BPIFB3: variants seen among roughly 807,000 people sequenced by gnomAD.
BPIFB3 encodes the protein BPI fold containing family B member 3, also known as BPI fold-containing family B member 3.
A neutral mutation model predicts 53.1 loss-of-function variants in BPIFB3; 49 were observed. That is an observed-to-expected ratio of 0.92 (90% confidence interval 0.73 to 1.17). The LOEUF (loss-of-function observed/expected upper bound fraction) is 1.17. Among genes scored for constraint, BPIFB3 ranks in the 50% most tolerant of loss-of-function variants. BPIFB3 has a pLI of 0.00. For synonymous variants in BPIFB3, 271 were observed against 269.6 expected (o/e 1.01, Z -0.05); for missense variants, 628 against 592.5 (o/e 1.06, Z -0.62).
Position 33,071,295 on chromosome 20 carries a change from C to T in BPIFB3, c.1260C>T (p.Asp420=), listed in dbSNP as rs141344367. The T allele has an allele frequency of 6.4e-6, 10 of 1,562,068 alleles. No homozygotes were observed. In the African/African-American group the frequency reaches 8.1e-5, roughly 13 times the overall value. ...CCTCCTCCTTTACCCATGCCTTTGA[C>T]GTAAGTTCCTGGGAGGGTGAGGGGC... The change falls in exon 12 of 15, where the codon GAC becomes GAT. Residue 420 remains aspartate (D), a splice_region_variant and synonymous_variant. Coordinates refer to ENST00000375494, the Ensembl canonical transcript of BPIFB3.
intron 4 of BPIFB3, among the ~76,000 whole-genome samples, chr20:33,061,533 G>A (rs192031497): frequency 3.9e-5 from 6 of 152,122 alleles, no homozygotes; most frequent in Non-Finnish European, 8.8e-5. Context: ...ATGTAACCCG[G>A]GCAGCAGCAG....
exon 4 of BPIFB3, chr20:33,059,977 T>A: frequency 6.2e-7 from 1 of 1,614,134 alleles, no homozygotes; most frequent in Non-Finnish European, 8.5e-7. Context: ...GGCACACCCA[T>A]CCTTATCCTC....
chr20:33,059,362 C>T lies in BPIFB3; in HGVS notation c.282-16C>T. The T allele has an allele frequency of 6.3e-7, 1 of 1,596,832 alleles. No individual in the cohort carries two copies. The highest frequency in any genetic ancestry group is 8.5e-7 in the Non-Finnish European group (1 of 1,169,954). On this transcript the variant is annotated splice_polypyrimidine_tract_variant and intron_variant, in intron 2 of 14. Transcript: ENST00000375494. Reference sequence around the variant, plus strand: ...TGTCTGGGAGTGAGCAACCCTCTCCCTGACTCCCATCCTAGTCTGAAGATT... The same window carrying T: ...TGTCTGGGAGTGAGCAACCCTCTCCTTGACTCCCATCCTAGTCTGAAGATT...
intron 14 of BPIFB3, 134 bp from the exon 16 acceptor site, chr20:33,073,442 C>A: frequency 1.2e-6 from 1 of 830,286 alleles, no homozygotes; most frequent in Non-Finnish European, 1.9e-6. Flanking sequence ...TTTCATCATT[C>A]ATTTATTCAT....
chr20:33,065,613 G>A (rs984114643), intron 8 of BPIFB3, among the ~76,000 whole-genome samples: 1 of 151,394 alleles, frequency 6.6e-6, no homozygotes, highest in South Asian at 2.1e-4. Context: ...AAGGAAGGAA[G>A]GAAGGAAGGA....
intron 2 of BPIFB3, among the ~76,000 whole-genome samples, chr20:33,057,028 C>T (rs1279807316): frequency 6.6e-6 from 1 of 152,142 alleles, no homozygotes; most frequent in Non-Finnish European, 1.5e-5. Context: ...GAGGTGTGGG[C>T]TGATTAGCCC....
chr20:33,073,194 G>A (rs6059068), intron 14 of BPIFB3, among the ~76,000 whole-genome samples: 7,952 of 152,126 alleles, frequency 0.052, 645 homozygotes, highest in African/African-American at 0.18. Context: ...CCTTTTTCTT[G>A]TGGAATATTG....
At chr20:33,071,219 G>A in intron 11 of BPIFB3, 34 bp from the exon 13 acceptor site, 1 of 1,545,130 alleles carries the variant, frequency 6.5e-7, no homozygotes, top group Non-Finnish European at 8.7e-7. Flanking sequence ...GTTGGGGGTA[G>A]CGGGGGCCCC....
At chr20:33,067,537 T>A (rs958893563) in intron 9 of BPIFB3, among the ~76,000 whole-genome samples, 1 of 152,152 alleles carries the variant, frequency 6.6e-6, no homozygotes. Flanking sequence ...GTTCTTGAAG[T>A]TGGTGATTCA....
chr20:33,069,908 G>T, exon 11 of BPIFB3: 1 of 1,614,214 alleles, frequency 6.2e-7, no homozygotes, highest in Non-Finnish European at 8.5e-7. Context: ...TGCGTGCCCA[G>T]CTGGCTCCCT....
At chr20:33,069,688 C>G (rs1354184579) in intron 10 of BPIFB3, among the ~76,000 whole-genome samples, 200 bp from the exon 12 acceptor site, 1 of 152,180 alleles carries the variant, frequency 6.6e-6, no homozygotes, top group African/African-American at 2.4e-5. Context: ...ACCAATTGCC[C>G]TCAATTTTAA....
intron 4 of BPIFB3, among the ~76,000 whole-genome samples, chr20:33,060,725 A>G (rs1980419740): frequency 6.6e-6 from 1 of 151,778 alleles, no homozygotes; most frequent in African/African-American, 2.4e-5. Flanking sequence ...GCCCACCACC[A>G]TGCTAATTTT....
chr20:33,063,246 G>A (rs528493176), intron 5 of BPIFB3, among the ~76,000 whole-genome samples: 1 of 152,324 alleles, frequency 6.6e-6, no homozygotes, highest in South Asian at 2.1e-4. Context: ...ACGTAGAATG[G>A]CAGGGGATGG....
intron 6 of BPIFB3, among the ~76,000 whole-genome samples, chr20:33,063,915 C>T (rs772383092): frequency 1.3e-5 from 2 of 152,194 alleles, no homozygotes; most frequent in Non-Finnish European, 2.9e-5. Flanking sequence ...TGCAGACCAA[C>T]ACTTACTGAG....
At chr20:33,055,510 C>A in exon 1 of BPIFB3, 2 of 1,613,732 alleles carry the variant, frequency 1.2e-6, no homozygotes, top group Non-Finnish European at 1.7e-6. Flanking sequence ...AGACGGTGGG[C>A]ACGCTCGCTC....
chr20:33,054,498 A>G (rs1439974721), upstream of BPIFB3, among the ~76,000 whole-genome samples: 2 of 152,176 alleles, frequency 1.3e-5, no homozygotes, highest in Admixed American at 6.5e-5. Context: ...CAGGGAGGCA[A>G]TGTTTATCCG....
At chr20:33,056,266 G>A (rs1980196728) in intron 1 of BPIFB3, among the ~76,000 whole-genome samples, 1 of 152,136 alleles carries the variant, frequency 6.6e-6, no homozygotes. Flanking sequence ...TTTTCCCACT[G>A]GTAAAATGAA....
intron 5 of BPIFB3, among the ~76,000 whole-genome samples, chr20:33,062,600 T>TGGC (rs1980505566): frequency 6.6e-6 from 1 of 152,196 alleles, no homozygotes; most frequent in African/African-American, 2.4e-5. Flanking sequence ...GCCCCTAACT[T>TGGC]AGTCTCTGGG....
chr20:33,069,006 A>G, intron 10 of BPIFB3, 33 bp downstream of exon 11: 3 of 1,596,720 alleles, frequency 1.9e-6, no homozygotes, highest in Non-Finnish European at 1.7e-6. Flanking sequence ...GGGGCCCGGC[A>G]TTGGGGTTCC....
Sources: allele counts gnomAD v4.1 joint callset (sites outside exome capture counted in the v4.1 genomes callset), GRCh38; gene constraint gnomAD v4.1.1; transcripts MANE v1.5; gene names NCBI Gene and HGNC (gene_info 2026-07-23, HGNC 2026-07-21).